GLUL: variants seen among roughly 807,000 people sequenced by gnomAD.
GLUL encodes glutamine synthetase.
In GLUL, 8 loss-of-function variants were observed where a neutral mutation model predicts 36.9. The ratio of observed to expected loss-of-function variants is 0.22; its 90% CI spans 0.13 to 0.39. The LOEUF (loss-of-function observed/expected upper bound fraction) is 0.39. GLUL is among the 10% of genes least tolerant of loss of function. GLUL has a pLI of 1.00. For missense variants in GLUL, 315 were observed against 501.8 expected, an observed-to-expected ratio of 0.63 and a Z score of 3.56; for synonymous variants, 182 against 172.8, an observed-to-expected ratio of 1.05 and a Z score of -0.42.
intron 6 of GLUL, chr1:182,384,935 C>T (rs1650107870): frequency 1.7e-6 from 1 of 602,598 alleles, no homozygotes; most frequent in Non-Finnish European, 3.0e-6. Context: ...AAACTTTCTC[C>T]CCCTCATAAG....
At chr1:182,385,111 T>C in intron 6 of GLUL, 1 of 352,160 alleles carries the variant, frequency 2.8e-6, no homozygotes, top group Non-Finnish European at 5.2e-6. Flanking sequence ...ATATAAATTA[T>C]AACAAATATT....
chr1:182,385,858 T>G lies in GLUL; in HGVS notation c.505A>C (p.Arg169=). The G allele has an allele frequency of 3.7e-6, 6 of 1,613,802 alleles. No individual in the cohort carries two copies. The highest frequency in any genetic ancestry group is 5.1e-6 in the Non-Finnish European group (6 of 1,179,642). ...GPYYCGVGAD[R]AYGRDIVEAH... ...TCCACGATGTCCCTGCCATAGGCTC[T>G]GTCTGCTCCCACACCACAGTAATAT... Residue 169 remains arginine, a synonymous_variant, in exon 5 of 7, where the codon AGA becomes CGA. Transcript: ENST00000331872.
rs1435037844 is a variant in GLUL at position 182,382,914 on chromosome 1, T to C, written c.*1491A>G. 4.6e-5 allele frequency: 7 copies of C among 152,174 alleles called. No individual in the cohort carries two copies. Among genetic ancestry groups the C allele is most frequent in the Admixed American group, 4.6e-4 (7 of 15,290 alleles). 9.4% of individuals were successfully genotyped at this position (152,174 alleles called of 1,614,324 possible). ...AGAGATCTTATGTTAGGCTGATTTA[T>C]AAGTGCTGCTTTGGGCAGTTACACA... On this transcript the variant is annotated 3_prime_UTR_variant, in exon 7 of 7. Coordinates refer to ENST00000331872, the MANE Select transcript of GLUL (RefSeq NM_001033044.4).
At chr1:182,386,520 G>A (rs1170277749) in intron 3 of GLUL, 118 bp from the exon 4 acceptor site, 1 of 845,078 alleles carries the variant, frequency 1.2e-6, no homozygotes, top group Non-Finnish European at 2.1e-6. Flanking sequence ...ACTATGGTAT[G>A]AACTGACCCA....
Position 182,388,830 on chromosome 1 carries a change from T to A in GLUL, c.-13-80A>T, listed in dbSNP as rs951641724. The A allele has an allele frequency of 1.1e-5, 12 of 1,094,202 alleles. No homozygotes were observed. The African/African-American group carries it at 1.5e-4, about 14-fold the overall frequency. The allele number at this position is 1,094,202 out of a possible 1,614,324, so 67.8% of individuals were successfully genotyped here. ...GCAAAAATGGCTCAAGAAGGACGAC[T>A]GAATCAAAAGTCAGAGTGTAAGTGC... On this transcript the variant is annotated intron_variant, in intron 1 of 6. Coordinates refer to ENST00000331872, the MANE Select transcript of GLUL (RefSeq NM_001033044.4).
chr1:182,387,319 T>C, intron 2 of GLUL, 27 bp from the exon 3 acceptor site: 24 of 1,580,672 alleles, frequency 1.5e-5, no homozygotes, highest in Non-Finnish European at 2.1e-5. Context: ...GAAAATTACA[T>C]TTAAAACATA....
At position 182,388,591 on chromosome 1, in the gene GLUL, A is replaced by T; in HGVS notation, c.147T>A (p.Ser49Arg). The T allele has an allele frequency of 6.2e-7, 1 of 1,613,864 alleles. No individual in the cohort carries two copies. Among genetic ancestry groups the T allele is most frequent in the Non-Finnish European group, 8.5e-7 (1 of 1,179,806 alleles). The part of the protein sequence containing the change: ...GLRCKTRTLD[S>R]EPKCVEELPE... The stretch of plus-strand genomic sequence containing the variant: ...TCTCACCTTCCACACACTTGGGCTC[A>T]CTGTCCAGGGTCCGGGTCTTGCAGC... The change falls in exon 2 of 7, where the codon AGT becomes AGA. Residue 49 changes from serine to arginine, a missense_variant. Ser to Arg is a moderately radical substitution (Grantham distance 110). Coordinates refer to ENST00000331872, the MANE Select transcript of GLUL (RefSeq NM_001033044.4).
chr1:182,380,075 C>A lies in GLUL; in HGVS notation c.*4330G>T, dbSNP rs1004519259. 6.8e-6 allele frequency among the ~76,000 whole-genome samples: 1 copy of A among 147,336 alleles called. No individual in the cohort carries two copies. Among genetic ancestry groups the A allele is most frequent in the Admixed American group, 6.7e-5 (1 of 14,862 alleles). The stretch of plus-strand genomic sequence containing the variant: ...ATTGGCCCGGCTGGTCTCAAACTCC[C>A]GATCTCAGGTGATCCACCTGCCTCG... On this transcript the variant is annotated 3_prime_UTR_variant, in exon 7 of 7. Coordinates refer to ENST00000331872, the MANE Select transcript of GLUL (RefSeq NM_001033044.4).
Position 182,381,587 on chromosome 1 carries a change from T to C in GLUL, c.*2818A>G, listed in dbSNP as rs1649928254. ...TCAAAGCTAATTCTAGGTGAGAGGG[T>C]GAAGAAACAAATATGCTGGTTGTTT... On this transcript the variant is annotated 3_prime_UTR_variant, in exon 7 of 7. Coordinates refer to ENST00000331872, the MANE Select transcript of GLUL (RefSeq NM_001033044.4). The C allele has an allele frequency of 6.6e-6, 1 of 152,022 alleles. No homozygotes were observed. The highest frequency in any genetic ancestry group is 6.6e-5 in the Admixed American group (1 of 15,254). 9.4% of individuals were successfully genotyped at this position (152,022 alleles called of 1,614,324 possible).
chr1:182,385,847 G>A lies in GLUL; in HGVS notation c.516C>T (p.Gly172=). ...GGTAATGGGCCTCCACGATGTCCCT[G>A]CCATAGGCTCTGTCTGCTCCCACAC... ...YCGVGADRAY[G]RDIVEAHYRA... The change falls in exon 5 of 7, where the codon GGC becomes GGT. Residue 172 remains glycine (G), a synonymous_variant. Transcript: ENST00000331872. The A allele has an allele frequency of 6.2e-7, 1 of 1,613,372 alleles. No individual in the cohort carries two copies. Among genetic ancestry groups the A allele is most frequent in the Non-Finnish European group, 8.5e-7 (1 of 1,179,290 alleles).
chr1:182,381,112 C>G lies in GLUL; in HGVS notation c.*3293G>C, dbSNP rs1190210496. On this transcript the variant is annotated 3_prime_UTR_variant, in exon 7 of 7. Transcript: ENST00000331872. The stretch of plus-strand genomic sequence containing the variant: ...TGAAACCCCATCTGTACTAAAAATA[C>G]AAAAATTAGCTGAGCATGGTGGTGC... Among the ~76,000 whole-genome samples the G allele has an allele frequency of 6.6e-6, 1 of 152,190 alleles. No individual in the cohort carries two copies. Among genetic ancestry groups the G allele is most frequent in the Non-Finnish European group, 1.5e-5 (1 of 68,034 alleles).
intron 4 of GLUL, 159 bp downstream of exon 4, chr1:182,386,097 T>A: frequency 1.1e-6 from 1 of 889,082 alleles, no homozygotes; most frequent in African/African-American, 1.6e-5. Context: ...ACTTTATATA[T>A]TCATATCCAT....
intron 2 of GLUL, among the ~76,000 whole-genome samples, chr1:182,387,515 A>G (rs928091389): frequency 6.6e-6 from 1 of 152,166 alleles, no homozygotes; most frequent in African/African-American, 2.4e-5. Flanking sequence ...CCAATTCCTT[A>G]AAAGAAATAT....
rs1398057844 is a variant in GLUL, at chr1:182,385,844, C to T, written c.519G>A (p.Arg173=). ...CGVGADRAYG[R]DIVEAHYRAC... ...CCCGGTAATGGGCCTCCACGATGTC[C>T]CTGCCATAGGCTCTGTCTGCTCCCA... Residue 173 remains arginine (R), a synonymous_variant, in exon 5 of 7, where the codon AGG becomes AGA. Transcript: ENST00000331872. 1.2e-6 allele frequency: 2 copies of T among 1,613,842 alleles called. No homozygotes were observed. Among genetic ancestry groups the T allele is most frequent in the East Asian group, 4.5e-5 (2 of 44,876 alleles).
chr1:182,378,998 TCTCA>T lies in GLUL; in HGVS notation c.*5403_*5406del, dbSNP rs1649829320. On this transcript the variant is annotated 3_prime_UTR_variant, in exon 7 of 7. Transcript: ENST00000331872. ...GGTTTCACCATGGTGGCCAGGCTGGTCTCAAACTCCTGACCTTAAGTGATCTGCC... is the reference window on the plus strand; with the variant it reads ...GGTTTCACCATGGTGGCCAGGCTGGTAACTCCTGACCTTAAGTGATCTGCC... Among the ~76,000 whole-genome samples, 1 of 152,086 alleles carries T rather than the reference TCTCA, an allele frequency of 6.6e-6. No homozygotes were observed. The highest frequency in any genetic ancestry group is 1.9e-4 in the East Asian group (1 of 5,184).
At position 182,380,778 on chromosome 1, in the gene GLUL, A is replaced by G. The variant is rs1007568375; in HGVS notation, c.*3627T>C. On this transcript the variant is annotated 3_prime_UTR_variant, in exon 7 of 7. Coordinates refer to ENST00000331872, the MANE Select transcript of GLUL (RefSeq NM_001033044.4). ...TCTCAAGATACAGTGGTGAGCAAGAAAAACAGGATCTCTTGCTTTCATGAA... is the reference window on the plus strand; with the variant it reads ...TCTCAAGATACAGTGGTGAGCAAGAGAAACAGGATCTCTTGCTTTCATGAA... 6.6e-6 allele frequency among the ~76,000 whole-genome samples: 1 copy of G among 152,276 alleles called. No individual in the cohort carries two copies. The highest frequency in any genetic ancestry group is 6.5e-5 in the Admixed American group (1 of 15,290).
At chr1:182,388,814 G>A in intron 1 of GLUL, 64 bp from the exon 2 acceptor site, 1 of 1,252,850 alleles carries the variant, frequency 8.0e-7, no homozygotes, top group Non-Finnish European at 1.2e-6. Flanking sequence ...TGCAAAAATG[G>A]CTCAAGAAGG....
rs1558154072 is a variant in GLUL at position 182,383,143 on chromosome 1, A to G, written c.*1262T>C. The G allele has an allele frequency of 6.6e-6, 1 of 152,234 alleles. No homozygotes were observed. The highest frequency in any genetic ancestry group is 1.5e-5 in the Non-Finnish European group (1 of 68,044). 9.4% of individuals were successfully genotyped at this position (152,234 alleles called of 1,614,324 possible). ...ATTCTTCAGCAGTCTTAACAAAGACATCAAGATACAAAATTACAAGTGTTT... is the reference window on the plus strand; with the variant it reads ...ATTCTTCAGCAGTCTTAACAAAGACGTCAAGATACAAAATTACAAGTGTTT... On this transcript the variant is annotated 3_prime_UTR_variant, in exon 7 of 7. Coordinates refer to ENST00000331872, the MANE Select transcript of GLUL (RefSeq NM_001033044.4).
chr1:182,384,962 A>C, intron 6 of GLUL: 1 of 552,932 alleles, frequency 1.8e-6, no homozygotes, highest in Non-Finnish European at 3.2e-6. Context: ...GCTTATCCAC[A>C]TGCCTGTATT....
Sources: gnomAD v4.1 joint callset for allele counts (sites outside exome capture counted in the v4.1 genomes callset) on GRCh38, gnomAD v4.1.1 for gene constraint, MANE v1.5 for transcripts, NCBI Gene and HGNC (gene_info 2026-07-23, HGNC 2026-07-21) for gene names.